ELMOD2: variants seen among roughly 807,000 people sequenced by gnomAD.
ELMOD2 encodes ELMO domain containing 2.
ELMOD2 carries 28 observed loss-of-function variants against 41.0 expected under a neutral mutation model. That is an observed-to-expected ratio of 0.68 (90% CI 0.51 to 0.94). The LOEUF (loss-of-function observed/expected upper bound fraction) is 0.94, where lower values mean the gene tolerates loss of function less well. ELMOD2 is among the 40% of genes least tolerant of loss of function. The pLI is 0.00. For missense variants in ELMOD2, 333 were observed against 343.1 expected (o/e 0.97, Z 0.23); for synonymous variants, 106 against 107.2 (o/e 0.99, Z 0.07).
At position 140,539,254 on chromosome 4, in the gene ELMOD2, G is replaced by A. The variant is rs190635273; in HGVS notation, c.400-914G>A. Among the ~76,000 whole-genome samples the A allele has an allele frequency of 1.1e-4, 17 of 151,984 alleles. No homozygotes were observed. The East Asian group carries it at 1.2e-3, about 10-fold the overall frequency. On this transcript the variant is annotated intron_variant, in intron 5 of 8. Transcript: ENST00000323570. ...CGCAAACCTTCTTTAGTCAACTTCCGTAAGTTTCTTTCATTTGATGGCTTG... is the reference window on the plus strand; with the variant it reads ...CGCAAACCTTCTTTAGTCAACTTCCATAAGTTTCTTTCATTTGATGGCTTG...
At position 140,524,244 on chromosome 4, in the gene ELMOD2, C is replaced by T. The variant is rs576308779; in HGVS notation, c.-46C>T. ...GCTGTTTGCAGTGGGGAAACCGAGG[C>T]AGCTCCTGCTCCCCCTAGTTCTTCC... is the stretch of plus-strand genomic sequence containing the variant. On this transcript the variant is annotated 5_prime_UTR_variant, in exon 1 of 9. Coordinates refer to ENST00000323570, the MANE Select transcript of ELMOD2 (RefSeq NM_153702.4). The T allele has an allele frequency of 1.6e-4, 24 of 152,504 alleles. No individual in the cohort carries two copies. The highest frequency in any genetic ancestry group is 5.5e-4 in the African/African-American group (23 of 41,578). The allele number at this position is 152,504 out of a possible 1,614,324, so 9.4% of individuals were successfully genotyped here.
At position 140,542,608 on chromosome 4, in the gene ELMOD2, C is replaced by T; in HGVS notation, c.568C>T (p.Gln190Ter). 1 of 1,606,236 alleles carries T rather than the reference C, an allele frequency of 6.2e-7. No homozygotes were observed. Among genetic ancestry groups the T allele is most frequent in the Non-Finnish European group, 8.5e-7 (1 of 1,175,652 alleles). The change falls in exon 7 of 9, where the codon CAG (glutamine) becomes TAG (stop). Residue 190 changes from glutamine to a stop codon, truncating the protein, a stop_gained. Coordinates refer to ENST00000323570, the MANE Select transcript of ELMOD2 (RefSeq NM_153702.4). LOFTEE classifies it high-confidence loss of function. ...FSENYTSEAH[Q>*]ILSRSNHPKL... ...TGAAAATTACACTAGTGAAGCTCAT[C>T]AGATTCTTTCCCGTTCAAATCATCC...
rs1735468842 is a variant in ELMOD2 at position 140,551,451 on chromosome 4, ATGACTG to A, written c.*1079_*1084del. On this transcript the variant is annotated 3_prime_UTR_variant, in exon 9 of 9. Transcript: ENST00000323570. ...ACTAAAATAGCTTGAAGATGACTTGATGACTGTGCATTTTATATAGTTTTATTCTCC... is the reference window on the plus strand; with the variant it reads ...ACTAAAATAGCTTGAAGATGACTTGATGCATTTTATATAGTTTTATTCTCC... 1 of 152,022 alleles carries A rather than the reference ATGACTG, an allele frequency of 6.6e-6. No individual in the cohort carries two copies. The highest frequency in any genetic ancestry group is 6.6e-5 in the Admixed American group (1 of 15,250). 9.4% of individuals were successfully genotyped at this position (152,022 alleles called of 1,614,324 possible).
At chr4:140,535,528 A>C (rs1014066625) in intron 3 of ELMOD2, 3 of 452,312 alleles carry the variant, frequency 6.6e-6, no homozygotes, top group Non-Finnish European at 1.2e-5. Context: ...CCTCTGGTAC[A>C]TCATGTTGCT....
At chr4:140,544,655 C>A (rs1303093973) in intron 8 of ELMOD2, among the ~76,000 whole-genome samples, 2 of 152,062 alleles carry the variant, frequency 1.3e-5, no homozygotes, top group African/African-American at 2.4e-5. Flanking sequence ...ACCAGCCCCC[C>A]TCTCACCCCC....
Position 140,553,624 on chromosome 4 carries a change from G to A in ELMOD2, c.*3249G>A, listed in dbSNP as rs1735525671. 1 of 152,050 alleles carries A rather than the reference G, an allele frequency of 6.6e-6. No homozygotes were observed. The allele number at this position is 152,050 out of a possible 1,614,324, so 9.4% of individuals were successfully genotyped here. A position where few individuals can be genotyped will look rare whatever the true frequency, so the allele number is the denominator to read the frequency against. On this transcript the variant is annotated 3_prime_UTR_variant, in exon 9 of 9. Coordinates refer to ENST00000323570, the MANE Select transcript of ELMOD2 (RefSeq NM_153702.4). ...AAGTATTCAAGTAGCTTTCTCTGGG[G>A]GAAAAAGTACCACTTGGACACTTAA...
rs774370933 is a variant in ELMOD2, at chr4:140,550,213, T to C, written c.737-17T>C. 2 of 1,599,348 alleles carry C rather than the reference T, an allele frequency of 1.3e-6. No homozygotes were observed. Among genetic ancestry groups the C allele is most frequent in the Non-Finnish European group, 8.5e-7 (1 of 1,170,746 alleles). ...TCAACATTGAGGATTAAATGTTTTGTTTTTCTTTAACTGCAGGTTATCTTG... is the reference window on the plus strand; with the variant it reads ...TCAACATTGAGGATTAAATGTTTTGCTTTTCTTTAACTGCAGGTTATCTTG... On this transcript the variant is annotated splice_polypyrimidine_tract_variant and intron_variant, in intron 8 of 8. Transcript: ENST00000323570.
At chr4:140,538,355 A>G (rs1213179130) in intron 5 of ELMOD2, among the ~76,000 whole-genome samples, 3 of 152,348 alleles carry the variant, frequency 2.0e-5, no homozygotes, top group Middle Eastern at 3.4e-3. Context: ...AGTTCTTTAT[A>G]ACAAAAAGTA....
chr4:140,552,465 A>G lies in ELMOD2; in HGVS notation c.*2090A>G, dbSNP rs2110894019. Reference sequence around the variant, plus strand: ...CAGCAAATTGATCTAAAAGCCACTAATAAATTCTAGGGTTTGAGTCTAGAA... The same window carrying G: ...CAGCAAATTGATCTAAAAGCCACTAGTAAATTCTAGGGTTTGAGTCTAGAA... On this transcript the variant is annotated 3_prime_UTR_variant, in exon 9 of 9. Transcript: ENST00000323570. 6.6e-6 allele frequency: 1 copy of G among 152,216 alleles called. No individual in the cohort carries two copies. Among genetic ancestry groups the G allele is most frequent in the South Asian group, 2.1e-4 (1 of 4,828 alleles). The allele number at this position is 152,216 out of a possible 1,614,324, so 9.4% of individuals were successfully genotyped here.
rs1735466706 is a variant in ELMOD2 at position 140,551,324 on chromosome 4, C to T, written c.*949C>T. The T allele has an allele frequency of 6.6e-6, 1 of 152,016 alleles. No individual in the cohort carries two copies. The highest frequency in any genetic ancestry group is 2.4e-5 in the African/African-American group (1 of 41,420). The allele number at this position is 152,016 out of a possible 1,614,324, so 9.4% of individuals were successfully genotyped here. ...AAGTTTTAAAAAAATCTCAGTTAAA[C>T]ATCATTGGTTTATTTGACTTACTGT... is the stretch of plus-strand genomic sequence containing the variant. On this transcript the variant is annotated 3_prime_UTR_variant, in exon 9 of 9. Transcript: ENST00000323570.
At chr4:140,528,289 A>G (rs1211844587) in intron 3 of ELMOD2, among the ~76,000 whole-genome samples, 1 of 152,222 alleles carries the variant, frequency 6.6e-6, no homozygotes, top group Non-Finnish European at 1.5e-5. Flanking sequence ...ATTGGGACCA[A>G]TAATTCAGTC....
At chr4:140,528,745 T>C (rs1166483929) in intron 3 of ELMOD2, among the ~76,000 whole-genome samples, 1 of 152,132 alleles carries the variant, frequency 6.6e-6, no homozygotes. Flanking sequence ...AATGATTTAG[T>C]TGTACTCTTT....
chr4:140,540,770 G>A (rs2085618053), intron 6 of ELMOD2, among the ~76,000 whole-genome samples: 2 of 151,638 alleles, frequency 1.3e-5, no homozygotes, highest in South Asian at 4.2e-4. Context: ...AGACATTGGT[G>A]GAAATATAAT....
At chr4:140,537,580 T>C (rs1396791635) in intron 5 of ELMOD2, 39 bp downstream of exon 5, 3 of 1,588,226 alleles carry the variant, frequency 1.9e-6, no homozygotes, top group African/African-American at 1.4e-5. Flanking sequence ...TGTTGAACGC[T>C]AGAAAAATAA....
chr4:140,527,457 T>G lies in ELMOD2; in HGVS notation c.143-9T>G. ...TGATAACATCTTTTTTTTTTTTTTG[T>G]CATTTCAGAAAATTCCTTGACATAC... On this transcript the variant is annotated splice_polypyrimidine_tract_variant and intron_variant, in intron 2 of 8. Transcript: ENST00000323570. 6.4e-7 allele frequency: 1 copy of G among 1,570,790 alleles called. No homozygotes were observed. Among genetic ancestry groups the G allele is most frequent in the Non-Finnish European group, 8.6e-7 (1 of 1,157,876 alleles).
intron 4 of ELMOD2, 45 bp from the exon 5 acceptor site, chr4:140,537,367 G>A: frequency 1.4e-6 from 2 of 1,424,650 alleles, no homozygotes; most frequent in East Asian, 2.8e-5. Context: ...AGACTTTATT[G>A]TGATAAGAGG....
At chr4:140,538,828 A>C (rs1735015269) in intron 5 of ELMOD2, among the ~76,000 whole-genome samples, 1 of 152,234 alleles carries the variant, frequency 6.6e-6, no homozygotes, top group Admixed American at 6.5e-5. Flanking sequence ...TACACTCCAA[A>C]GTTCCACCTT....
Position 140,543,462 on chromosome 4 carries a change from T to C in ELMOD2, c.612T>C (p.Tyr204=), listed in dbSNP as rs200487590. The C allele has an allele frequency of 2.0e-3, 3,139 of 1,594,638 alleles. 77 individuals carry two copies. In the South Asian group the frequency reaches 0.034, roughly 17 times the overall value. The change falls in exon 8 of 9, where the codon TAT becomes TAC. Residue 204 remains tyrosine (Y), a synonymous_variant. Transcript: ENST00000323570. The stretch of plus-strand genomic sequence containing the variant: ...AATGTTTCTGACATAGGTATTCTTA[T>C]GCAATAGTTGGAATCAATCTTACAG... ...RSNHPKLGYS[Y]AIVGINLTEM... is the part of the protein sequence containing the mutation.
Position 140,543,548 on chromosome 4 carries a change from C to G in ELMOD2, c.698C>G (p.Pro233Arg), listed in dbSNP as rs1470334579. 18 of 1,603,686 alleles carry G rather than the reference C, an allele frequency of 1.1e-5. No homozygotes were observed. The highest frequency in any genetic ancestry group is 1.7e-4 in the Middle Eastern group (1 of 5,960). The part of the protein sequence containing the change: ...ALKFHLYNLV[P>R]GIPTMEHFHQ... The stretch of plus-strand genomic sequence containing the variant: ...AAGTTTCATCTCTATAACCTTGTTC[C>G]TGGTATACCAACAATGGAACACTTT... The change falls in exon 8 of 9, where the codon CCT (proline) becomes CGT (arginine). Residue 233 changes from proline (P) to arginine (R), a missense_variant. Pro to Arg is a moderately radical substitution (Grantham distance 103, BLOSUM62 -2). Coordinates refer to ENST00000323570, the MANE Select transcript of ELMOD2 (RefSeq NM_153702.4).
Sources: allele counts gnomAD v4.1 joint callset (sites outside exome capture counted in the v4.1 genomes callset), GRCh38; gene constraint gnomAD v4.1.1; transcripts MANE v1.5; gene names NCBI Gene and HGNC (gene_info 2026-07-23, HGNC 2026-07-21).